The following CNTNAP5 variants were observed in gnomAD, a reference collection of about 807,000 sequenced individuals.
CNTNAP5 encodes the protein contactin associated protein family member 5, also known as contactin-associated protein-like 5.
CNTNAP5 carries 72 observed loss-of-function variants against 150.2 expected under a neutral mutation model. The ratio of observed to expected loss-of-function variants is 0.48; its 90% CI spans 0.40 to 0.58. The LOEUF (loss-of-function observed/expected upper bound fraction) is 0.58, where lower values mean the gene tolerates loss of function less well. Among genes scored for constraint, CNTNAP5 ranks in the 20% least tolerant of loss-of-function variants. CNTNAP5 has a pLI of 0.00. For missense variants in CNTNAP5, 1,636 were observed against 1,626.2 expected (o/e 1.01, Z -0.10); for synonymous variants, 672 against 619.8 (o/e 1.08, Z -1.25).
intron 12 of CNTNAP5, among the ~76,000 whole-genome samples, chr2:124,611,783 T>C (rs1677389945): frequency 6.6e-6 from 1 of 152,180 alleles, no homozygotes; most frequent in Non-Finnish European, 1.5e-5. Flanking sequence ...CACTGCTGAG[T>C]GGCCAGGTGT....
At chr2:124,748,841 A>G (rs955707141) in intron 14 of CNTNAP5, among the ~76,000 whole-genome samples, 2 of 152,160 alleles carry the variant, frequency 1.3e-5, no homozygotes, top group Non-Finnish European at 2.9e-5. Flanking sequence ...TTATAGGGTA[A>G]TGAATTTTGC....
intron 1 of CNTNAP5, among the ~76,000 whole-genome samples, chr2:124,047,173 T>C (rs1681561014): frequency 6.6e-6 from 1 of 152,176 alleles, no homozygotes; most frequent in African/African-American, 2.4e-5. Flanking sequence ...CATCTATTAG[T>C]GCCTTAATCT....
chr2:124,053,565 T>A (rs1178637902), intron 1 of CNTNAP5, among the ~76,000 whole-genome samples: 1 of 152,148 alleles, frequency 6.6e-6, no homozygotes, highest in Non-Finnish European at 1.5e-5. Context: ...CCTTTCTGAG[T>A]CTCTGAGTCT....
rs1688347744 is a variant in CNTNAP5, at chr2:124,293,319, A to C, written c.381+50926A>C. On this transcript the variant is annotated intron_variant, in intron 3 of 23. Transcript: ENST00000682447. Reference sequence around the variant, plus strand: ...GATCATTTTGTTAGGATAGATTCCAAGTACTGGAATTTCTAAATCTTACAA... The same window carrying C: ...GATCATTTTGTTAGGATAGATTCCACGTACTGGAATTTCTAAATCTTACAA... Among the ~76,000 whole-genome samples, 3 of 152,230 alleles carry C rather than the reference A, an allele frequency of 2.0e-5. No individual in the cohort carries two copies. In the East Asian group the frequency reaches 5.8e-4, roughly 29 times the overall value.
intron 19 of CNTNAP5, among the ~76,000 whole-genome samples, chr2:124,802,438 CA>C (rs1282349563): frequency 6.6e-6 from 1 of 152,052 alleles, no homozygotes; most frequent in Non-Finnish European, 1.5e-5. Context: ...TCTTCCTAAA[CA>C]AAAAGAAATT....
intron 3 of CNTNAP5, among the ~76,000 whole-genome samples, chr2:124,359,682 A>T (rs1690140689): frequency 9.1e-6 from 1 of 109,950 alleles, no homozygotes; most frequent in Non-Finnish European, 1.8e-5. Context: ...GTTTGTTATA[A>T]TCTCTGTTCT....
intron 3 of CNTNAP5, among the ~76,000 whole-genome samples, chr2:124,362,743 A>G (rs1384103246): frequency 6.6e-6 from 1 of 152,192 alleles, no homozygotes; most frequent in Non-Finnish European, 1.5e-5. Flanking sequence ...TGAGATTGCC[A>G]TCTGTACCTT....
chr2:124,753,540 A>G (rs1165176711), intron 14 of CNTNAP5, among the ~76,000 whole-genome samples: 1 of 152,092 alleles, frequency 6.6e-6, no homozygotes, highest in Non-Finnish European at 1.5e-5. Flanking sequence ...CTACAGATTG[A>G]TTTTCTTCTG....
chr2:124,300,978 A>G (rs1264068415), intron 3 of CNTNAP5, among the ~76,000 whole-genome samples: 3 of 152,214 alleles, frequency 2.0e-5, no homozygotes, highest in African/African-American at 7.2e-5. Flanking sequence ...ACTTCAGTAC[A>G]AAATACCACA....
intron 19 of CNTNAP5, among the ~76,000 whole-genome samples, chr2:124,835,622 C>G (rs1362421867): frequency 6.6e-6 from 1 of 152,102 alleles, no homozygotes; most frequent in African/African-American, 2.4e-5. Flanking sequence ...ATTACCCCGT[C>G]CCCAGGCATG....
chr2:124,272,055 A>T (rs1687772878), intron 3 of CNTNAP5, among the ~76,000 whole-genome samples: 1 of 152,108 alleles, frequency 6.6e-6, no homozygotes, highest in African/African-American at 2.4e-5. Context: ...TATTTCTAAA[A>T]CAAATAAATA....
intron 22 of CNTNAP5, among the ~76,000 whole-genome samples, chr2:124,904,025 G>C (rs1325710782): frequency 7.3e-6 from 1 of 136,708 alleles, no homozygotes; most frequent in Non-Finnish European, 1.5e-5. Flanking sequence ...CTGCACTCCA[G>C]CCTGGGGTAT....
chr2:124,374,593 AG>A, intron 3 of CNTNAP5, among the ~76,000 whole-genome samples: 1 of 152,296 alleles, frequency 6.6e-6, no homozygotes, highest in African/African-American at 2.4e-5. Flanking sequence ...TTCTAGGCAA[AG>A]GTTTAAGATG....
At chr2:124,319,976 TC>T (rs1689059416) in intron 3 of CNTNAP5, among the ~76,000 whole-genome samples, 1 of 152,314 alleles carries the variant, frequency 6.6e-6, no homozygotes, top group East Asian at 1.9e-4. Context: ...CTTCTCTACT[TC>T]CTCCAAGTCA....
Position 124,876,536 on chromosome 2 carries a change from G to A in CNTNAP5, c.3436+6774G>A, listed in dbSNP as rs146670481. On this transcript the variant is annotated intron_variant, in intron 21 of 23. Coordinates refer to ENST00000682447, the MANE Select transcript of CNTNAP5 (RefSeq NM_001367498.1). ...CATTTGGGGAAAGGATTGTGCCGGT[G>A]TGCATCAACAGTTCAAATATGTTGC... Among the ~76,000 whole-genome samples, 443 of 151,980 alleles carry A rather than the reference G, an allele frequency of 2.9e-3. 2 individuals carry two copies. Among genetic ancestry groups the A allele is most frequent in the African/African-American group, 9.6e-3 (400 of 41,496 alleles).
At chr2:124,495,388 C>T (rs750800551) in intron 7 of CNTNAP5, among the ~76,000 whole-genome samples, 1 of 152,146 alleles carries the variant, frequency 6.6e-6, no homozygotes, top group East Asian at 1.9e-4. Flanking sequence ...TATTTGCTAA[C>T]GGATATTAAA....
intron 3 of CNTNAP5, among the ~76,000 whole-genome samples, chr2:124,320,086 C>A (rs1354896545): frequency 6.6e-6 from 1 of 152,190 alleles, no homozygotes; most frequent in Non-Finnish European, 1.5e-5. Context: ...TGTGTGAACA[C>A]CCACTCTGAT....
intron 17 of CNTNAP5, 116 bp downstream of exon 17, chr2:124,773,133 A>G: frequency 1.3e-6 from 1 of 759,644 alleles, no homozygotes; most frequent in Non-Finnish European, 2.3e-6. Flanking sequence ...AATGTCATAA[A>G]TCATTTCTAA....
intron 2 of CNTNAP5, among the ~76,000 whole-genome samples, chr2:124,230,738 G>A (rs143745304): frequency 0.017 from 2,611 of 151,962 alleles, 27 homozygotes; most frequent in Non-Finnish European, 0.027. Context: ...CACCATATTG[G>A]TCAGACTGGT....
Sources: gnomAD v4.1 joint callset for allele counts (sites outside exome capture counted in the v4.1 genomes callset) on GRCh38, gnomAD v4.1.1 for gene constraint, MANE v1.5 for transcripts, NCBI Gene and HGNC (gene_info 2026-07-23, HGNC 2026-07-21) for gene names.